The following ENPP1 variants were observed in gnomAD, a reference collection of about 807,000 sequenced individuals.
The protein encoded by ENPP1 is ectonucleotide pyrophosphatase/phosphodiesterase family member 1.
In ENPP1, 73 loss-of-function variants were observed where a neutral mutation model predicts 122.8. That is an observed-to-expected ratio of 0.59 (90% CI 0.49 to 0.72). ENPP1 has a LOEUF of 0.72. ENPP1 is among the 30% of genes least tolerant of loss of function. The pLI is 0.00. For synonymous variants in ENPP1, 367 were observed against 391.6 expected (o/e 0.94, Z 0.74); for missense variants, 978 against 1,128.1 (o/e 0.87, Z 1.91).
rs150005868 is a variant in ENPP1 at position 131,861,896 on chromosome 6, G to A, written c.1025+192G>A. 5.7e-3 allele frequency among the ~76,000 whole-genome samples: 870 copies of A among 152,264 alleles called. 8 individuals are homozygous for A. The highest frequency in any genetic ancestry group is 0.019 in the African/African-American group (775 of 41,556). ...GTAAAACTAGACAAGTGGGCCAGCT[G>A]TGGTGGCTCACTCCTGTAATCCCAG... On this transcript the variant is annotated intron_variant, in intron 9 of 24. Coordinates refer to ENST00000647893, the MANE Select transcript of ENPP1 (RefSeq NM_006208.3).
In ENPP1 at chr6:131,890,420, C is replaced by T. The variant is rs1782453620; in HGVS notation, c.2687C>T (p.Thr896Ile). The change falls in exon 25 of 25, where the codon ACT (threonine) becomes ATT (isoleucine). Residue 896 changes from threonine to isoleucine, a missense_variant. Thr to Ile is a moderately conservative substitution (Grantham distance 89). This residue lies in a region of ENPP1 where 644 missense variants were observed against 781.5 expected (regional missense o/e 0.82). Transcript: ENST00000647893. The stretch of plus-strand genomic sequence containing the variant: ...CGGATCACAGATGTTGAGCACATCA[C>T]TGGACTCAGCTTCTATCAACAAAGA... ...RARITDVEHITGLSFYQQRKE... is the reference protein window; with the variant it reads ...RARITDVEHIIGLSFYQQRKE... 1 of 1,612,340 alleles carries T rather than the reference C, an allele frequency of 6.2e-7. No homozygotes were observed.
intron 1 of ENPP1, among the ~76,000 whole-genome samples, chr6:131,824,442 TTTGTTGTTG>T (rs140923936): frequency 7.6e-6 from 1 of 132,406 alleles, no homozygotes; most frequent in Admixed American, 7.4e-5. Context: ...CCAGGCAGGA[TTTGTTGTTG>T]TTGTTGTTGT....
At chr6:131,851,431 C>T (rs902280350) in intron 4 of ENPP1, 164 bp downstream of exon 4, 47 of 761,090 alleles carry the variant, frequency 6.2e-5, no homozygotes, top group Non-Finnish European at 9.5e-5. Context: ...TTTAAACATA[C>T]ACATGGGGAG....
chr6:131,854,717 C>T (rs1040725334), intron 5 of ENPP1, among the ~76,000 whole-genome samples: 4 of 151,972 alleles, frequency 2.6e-5, no homozygotes, highest in East Asian at 1.9e-4. Context: ...ATATGTATTA[C>T]GAAATGATAG....
rs773281126 is a variant in ENPP1 at position 131,860,528 on chromosome 6, T to G, written c.915+22T>G. 3.2e-6 allele frequency: 5 copies of G among 1,544,668 alleles called. 1 individual carries two copies. The South Asian group carries it at 4.5e-5, about 14-fold the overall frequency. On this transcript the variant is annotated intron_variant, in intron 8 of 24. Coordinates refer to ENST00000647893, the MANE Select transcript of ENPP1 (RefSeq NM_006208.3). ...ACCAGTGAGTTCTTTGTTTTTCTAC[T>G]AAAATAGTTAATTATTCTCATCTAT...
chr6:131,870,102 G>T (rs1352786837), intron 13 of ENPP1, among the ~76,000 whole-genome samples: 1 of 151,286 alleles, frequency 6.6e-6, no homozygotes, highest in Admixed American at 6.6e-5. Flanking sequence ...TCAGGATAAA[G>T]ATTATACTAG....
At chr6:131,824,893 C>T (rs1169235439) in intron 1 of ENPP1, among the ~76,000 whole-genome samples, 2 of 151,958 alleles carry the variant, frequency 1.3e-5, no homozygotes, top group African/African-American at 4.8e-5. Context: ...AACCCCATGT[C>T]TACCAAAAAT....
At chr6:131,881,458 C>T (rs1026564701) in intron 20 of ENPP1, among the ~76,000 whole-genome samples, 4 of 152,162 alleles carry the variant, frequency 2.6e-5, no homozygotes, top group African/African-American at 2.4e-5. Flanking sequence ...CATAACTTTA[C>T]AGTCATTGCG....
At chr6:131,888,433 C>A (rs1782417727) in intron 24 of ENPP1, among the ~76,000 whole-genome samples, 1 of 152,024 alleles carries the variant, frequency 6.6e-6, no homozygotes, top group Non-Finnish European at 1.5e-5. Flanking sequence ...CCATTCATTC[C>A]TTTGATATTT....
At chr6:131,815,018 T>A (rs1781397166) in intron 1 of ENPP1, among the ~76,000 whole-genome samples, 1 of 152,216 alleles carries the variant, frequency 6.6e-6, no homozygotes, top group South Asian at 2.1e-4. Flanking sequence ...CCATAGGGTC[T>A]GTGATGGTCA....
intron 1 of ENPP1, among the ~76,000 whole-genome samples, chr6:131,845,497 C>T (rs1393847818): frequency 1.4e-5 from 2 of 144,232 alleles, no homozygotes; most frequent in African/African-American, 5.1e-5. Context: ...TGCTCTGTCG[C>T]CCAGGCTGGA....
intron 7 of ENPP1, among the ~76,000 whole-genome samples, chr6:131,859,721 T>A (rs1781993440): frequency 6.6e-6 from 1 of 152,160 alleles, no homozygotes; most frequent in Non-Finnish European, 1.5e-5. Context: ...CAGCCCTCCA[T>A]ATTTATTAGG....
intron 1 of ENPP1, among the ~76,000 whole-genome samples, chr6:131,835,017 A>G (rs1370178421): frequency 4.6e-5 from 7 of 152,232 alleles, no homozygotes; most frequent in African/African-American, 1.4e-4. Flanking sequence ...GTTTATTGAT[A>G]AAGGGACATA....
intron 6 of ENPP1, among the ~76,000 whole-genome samples, chr6:131,857,455 G>A (rs1184823566): frequency 1.5e-4 from 23 of 151,098 alleles, no homozygotes; most frequent in African/African-American, 5.6e-4. Context: ...ATACACCATG[G>A]AATCCTATGC....
Position 131,890,414 on chromosome 6 carries a change from AC to A in ENPP1, c.2682del (p.His894GlnfsTer19). ...AGAGCACGGATCACAGATGTTGAGC[AC>A]ATCACTGGACTCAGCTTCTATCAAC... is the stretch of plus-strand genomic sequence containing the variant. ...LHRARITDVE[H>X]ITGLSFYQQR... is the part of the protein sequence containing the mutation. On this transcript the variant is annotated frameshift_variant, in exon 25 of 25. Transcript: ENST00000647893. LOFTEE classifies it high-confidence loss of function. 1 of 1,612,176 alleles carries A rather than the reference AC, an allele frequency of 6.2e-7. No individual in the cohort carries two copies. Among genetic ancestry groups the A allele is most frequent in the South Asian group, 1.1e-5 (1 of 91,046 alleles).
intron 1 of ENPP1, among the ~76,000 whole-genome samples, chr6:131,845,552 G>A (rs1781799313): frequency 6.6e-6 from 1 of 151,116 alleles, no homozygotes; most frequent in Non-Finnish European, 1.5e-5. Flanking sequence ...CGCCTCCCGG[G>A]TTCAAGCGAT....
chr6:131,818,461 A>G (rs138006470), intron 1 of ENPP1, among the ~76,000 whole-genome samples: 3,060 of 152,180 alleles, frequency 0.02, 91 homozygotes, highest in African/African-American at 0.069. Flanking sequence ...CCTGGCTAAC[A>G]CGGTGAAATG....
intron 1 of ENPP1, among the ~76,000 whole-genome samples, chr6:131,813,448 T>C (rs1781378554): frequency 6.6e-6 from 1 of 151,906 alleles, no homozygotes; most frequent in African/African-American, 2.4e-5. Context: ...GAGAATCGCT[T>C]GAACCTGGGA....
In ENPP1 at chr6:131,890,362, T is replaced by A. The variant is rs1310529398; in HGVS notation, c.2629T>A (p.Trp877Arg). 1 of 1,613,780 alleles carries A rather than the reference T, an allele frequency of 6.2e-7. No individual in the cohort carries two copies. The highest frequency in any genetic ancestry group is 8.5e-7 in the Non-Finnish European group (1 of 1,179,796). The change falls in exon 25 of 25, where the codon TGG (tryptophan) becomes AGG (arginine). Residue 877 changes from tryptophan (W) to arginine (R), a missense_variant. Physicochemically the swap from Trp to Arg is moderately radical, Grantham distance 101. This residue lies in a region of ENPP1 where 644 missense variants were observed against 781.5 expected (regional missense o/e 0.82). Transcript: ENST00000647893. ...CTAGCATGGGAAGCATGACTCCTCATGGGTTGAAGAATTGTTAATGTTACA... is the reference window on the plus strand; with the variant it reads ...CTAGCATGGGAAGCATGACTCCTCAAGGGTTGAAGAATTGTTAATGTTACA... Reference protein sequence around the residue: ...SCVHGKHDSSWVEELLMLHRA... With the variant: ...SCVHGKHDSSRVEELLMLHRA...
Sources: allele counts gnomAD v4.1 joint callset (sites outside exome capture counted in the v4.1 genomes callset), GRCh38; gene constraint gnomAD v4.1.1; regional missense constraint gnomAD v4.1.1; transcripts MANE v1.5; gene names NCBI Gene and HGNC (gene_info 2026-07-23, HGNC 2026-07-21).